CADPS: variants seen among roughly 807,000 people sequenced by gnomAD.
CADPS encodes the protein calcium dependent secretion activator, also known as calcium-dependent secretion activator 1.
A neutral mutation model predicts 167.3 loss-of-function variants in CADPS; 57 were observed. The ratio of observed to expected loss-of-function variants is 0.34; its 90% confidence interval spans 0.28 to 0.42. The LOEUF (loss-of-function observed/expected upper bound fraction) is 0.42, where lower values mean the gene tolerates loss of function less well. Ranked by LOEUF, CADPS falls within the 20% of genes least tolerant of loss-of-function variation. CADPS has a pLI of 1.00. For missense variants in CADPS, 1,414 were observed against 1,738.1 expected, an observed-to-expected ratio of 0.81 and a Z score of 3.32; for synonymous variants, 676 against 635.3, an observed-to-expected ratio of 1.06 and a Z score of -0.96.
At chr3:62,612,898 A>G (rs2061693503) in intron 6 of CADPS, among the ~76,000 whole-genome samples, 1 of 152,232 alleles carries the variant, frequency 6.6e-6, no homozygotes, top group African/African-American at 2.4e-5. Flanking sequence ...GGCAAGACTC[A>G]AATGAATAAG....
chr3:62,493,239 T>TCAG (rs2064040629), intron 19 of CADPS, among the ~76,000 whole-genome samples: 1 of 152,186 alleles, frequency 6.6e-6, no homozygotes, highest in Non-Finnish European at 1.5e-5. Context: ...CACATCAGAC[T>TCAG]GGGCCAGATG....
intron 1 of CADPS, among the ~76,000 whole-genome samples, chr3:62,774,896 G>A (rs1002753415): frequency 6.6e-6 from 1 of 152,036 alleles, no homozygotes; most frequent in East Asian, 1.9e-4. Context: ...CCCAAGTGGT[G>A]GTATTTTCTT....
At position 62,580,595 on chromosome 3, in the gene CADPS, T is replaced by G. The variant is rs200980806; in HGVS notation, c.1577+4590A>C. ...AAACTTAAAGTATAATAAAAAAAAATAAAAAAAAAAAGAAAGAGGCAAGAA... is the reference window on the plus strand; with the variant it reads ...AAACTTAAAGTATAATAAAAAAAAAGAAAAAAAAAAAGAAAGAGGCAAGAA... On this transcript the variant is annotated intron_variant, in intron 8 of 29. Transcript: ENST00000383710. 6.1e-5 allele frequency among the ~76,000 whole-genome samples: 7 copies of G among 115,684 alleles called. No individual in the cohort carries two copies. The East Asian group carries it at 8.6e-4, about 14-fold the overall frequency. The allele number at this position is 115,684 out of a possible 152,430, so 75.9% of individuals were successfully genotyped here. A position where few individuals can be genotyped will look rare whatever the true frequency, so the allele number is the denominator to read the frequency against.
At position 62,780,973 on chromosome 3, in the gene CADPS, C is replaced by G. The variant is rs539199496; in HGVS notation, c.442-14989G>C. 5.9e-5 allele frequency among the ~76,000 whole-genome samples: 9 copies of G among 152,216 alleles called. No homozygotes were observed. In the South Asian group the frequency reaches 1.5e-3, roughly 25 times the overall value. ...CTATCCAATAAATGTTAGTCGTTAT[C>G]TATATCTTAGGACTCGTACATTTAT... On this transcript the variant is annotated intron_variant, in intron 1 of 29. Coordinates refer to ENST00000383710, the MANE Select transcript of CADPS (RefSeq NM_003716.4).
chr3:62,749,734 G>A (rs1431268505), intron 3 of CADPS, among the ~76,000 whole-genome samples: 2 of 152,186 alleles, frequency 1.3e-5, no homozygotes, highest in African/African-American at 2.4e-5. Context: ...TGCCAGCAAG[G>A]AAAGAGGAGG....
rs540857795 is a variant in CADPS at position 62,499,198 on chromosome 3, A to G, written c.2670T>C (p.Ile890=). The G allele has an allele frequency of 5.0e-6, 8 of 1,613,754 alleles. No homozygotes were observed. In the East Asian group the frequency reaches 6.7e-5, roughly 13 times the overall value. Residue 890 remains isoleucine (I), a synonymous_variant, in exon 18 of 30, where the codon ATT becomes ATC. Coordinates refer to ENST00000383710, the MANE Select transcript of CADPS (RefSeq NM_003716.4). ...EDTIRLAELV[I]EVLQQNEEHH... is the part of the protein sequence containing the mutation. The stretch of plus-strand genomic sequence containing the variant: ...GCTCCTCATTTTGCTGAAGAACTTC[A>G]ATGACTAGTTCAGCAAGACGTATTG...
intron 1 of CADPS, among the ~76,000 whole-genome samples, chr3:62,818,060 C>T (rs1008419364): frequency 6.6e-6 from 1 of 152,082 alleles, no homozygotes; most frequent in African/African-American, 2.4e-5. Context: ...TGTTAAAATT[C>T]AGCGCCAAGT....
chr3:62,558,477 A>C (rs1395974072), intron 9 of CADPS, among the ~76,000 whole-genome samples: 1 of 152,226 alleles, frequency 6.6e-6, no homozygotes, highest in Admixed American at 6.5e-5. Flanking sequence ...CACGGATGTC[A>C]AATGTCTTAG....
chr3:62,785,479 G>A (rs987339019), intron 1 of CADPS, among the ~76,000 whole-genome samples: 3 of 152,162 alleles, frequency 2.0e-5, no homozygotes, highest in Non-Finnish European at 1.5e-5. Context: ...TGATACCAAA[G>A]TAACCTTCTT....
chr3:62,840,794 C>A (rs1009888948), intron 1 of CADPS, among the ~76,000 whole-genome samples: 1 of 152,152 alleles, frequency 6.6e-6, no homozygotes, highest in South Asian at 2.1e-4. Flanking sequence ...AATCAAAAAT[C>A]ATAATTAAGC....
At chr3:62,454,493 T>C (rs1484180407) in intron 26 of CADPS, among the ~76,000 whole-genome samples, 4 of 151,966 alleles carry the variant, frequency 2.6e-5, no homozygotes, top group Admixed American at 2.6e-4. Context: ...TGGGCCTGAC[T>C]TCAAAGGATT....
rs552535956 is a variant in CADPS at position 62,794,039 on chromosome 3, A to C, written c.442-28055T>G. 7.9e-4 allele frequency among the ~76,000 whole-genome samples: 121 copies of C among 152,262 alleles called. 1 individual carries two copies. Among genetic ancestry groups the C allele is most frequent in the Middle Eastern group, 6.8e-3 (2 of 294 alleles). On this transcript the variant is annotated intron_variant, in intron 1 of 29. Transcript: ENST00000383710. ...ACAAGCAAATAAAATATACACTCAA[A>C]ATCTGCCAAGATACACATGTGAATA...
At chr3:62,692,177 A>G (rs1054979019) in intron 3 of CADPS, among the ~76,000 whole-genome samples, 2 of 151,920 alleles carry the variant, frequency 1.3e-5, no homozygotes, top group African/African-American at 4.8e-5. Flanking sequence ...AAAAAAATAT[A>G]TCTATATACA....
chr3:62,823,663 C>G (rs538166108), intron 1 of CADPS, among the ~76,000 whole-genome samples: 29 of 152,220 alleles, frequency 1.9e-4, no homozygotes, highest in African/African-American at 7.0e-4. Context: ...TTTCTACCTC[C>G]CAAAGGCCTA....
intron 6 of CADPS, among the ~76,000 whole-genome samples, chr3:62,638,109 C>A (rs1282111213): frequency 1.5e-5 from 2 of 131,588 alleles, no homozygotes; most frequent in Admixed American, 7.3e-5. Context: ...ATATATATAG[C>A]AATTAATTTT....
intron 8 of CADPS, among the ~76,000 whole-genome samples, chr3:62,583,992 T>C (rs1485810300): frequency 7.0e-6 from 1 of 142,598 alleles, no homozygotes; most frequent in East Asian, 2.2e-4. Flanking sequence ...CTCTAGTACA[T>C]CTACCCAATC....
intron 1 of CADPS, among the ~76,000 whole-genome samples, chr3:62,805,718 C>T (rs1224342915): frequency 6.6e-6 from 1 of 152,136 alleles, no homozygotes; most frequent in East Asian, 1.9e-4. Flanking sequence ...TTCAGGGATG[C>T]TGATTTCTAT....
intron 3 of CADPS, among the ~76,000 whole-genome samples, chr3:62,676,592 T>A (rs531415713): frequency 2.6e-5 from 4 of 152,256 alleles, no homozygotes; most frequent in African/African-American, 9.6e-5. Context: ...TTCCAGAAGT[T>A]GAAAGGACTG....
intron 17 of CADPS, among the ~76,000 whole-genome samples, chr3:62,507,535 T>C (rs1025169064): frequency 1.3e-5 from 2 of 152,050 alleles, no homozygotes; most frequent in African/African-American, 4.8e-5. Context: ...TATATGGAGA[T>C]TGCAATGTTG....
Sources: gnomAD v4.1 joint callset for allele counts (sites outside exome capture counted in the v4.1 genomes callset) on GRCh38, gnomAD v4.1.1 for gene constraint, MANE v1.5 for transcripts, NCBI Gene and HGNC (gene_info 2026-07-23, HGNC 2026-07-21) for gene names.